Variants in DEPTOR observed in about 807,000 individuals in gnomAD.
DEPTOR encodes DEP domain-containing mTOR-interacting protein.
DEPTOR carries 41 observed loss-of-function variants against 41.6 expected under a neutral mutation model. The ratio of observed to expected loss-of-function variants is 0.98; its 90% confidence interval spans 0.77 to 1.28. DEPTOR has a LOEUF of 1.28. DEPTOR is among the 50% of genes most tolerant of loss of function. The probability of loss-of-function intolerance (pLI) is 0.00; values close to 1 mark genes in which losing one functional copy is unlikely to be tolerated. For synonymous variants in DEPTOR, 195 were observed against 192.3 expected (o/e 1.01, Z -0.12); for missense variants, 514 against 527.9 (o/e 0.97, Z 0.26).
rs1304630388 is a variant in DEPTOR, at chr8:119,927,021, A to G, written c.123-1379A>G. Among the ~76,000 whole-genome samples, 7 of 152,322 alleles carry G rather than the reference A, an allele frequency of 4.6e-5. No individual in the cohort carries two copies. In the East Asian group the frequency reaches 1.3e-3, roughly 29 times the overall value. ...CAGGCTTTTGCTCAAAATATTTTAA[A>G]TCCTAAATACTGACTACTTAGCAGA... On this transcript the variant is annotated intron_variant, in intron 1 of 8. Transcript: ENST00000286234.
intron 1 of DEPTOR, among the ~76,000 whole-genome samples, chr8:119,914,933 T>A (rs908540169): frequency 6.6e-6 from 1 of 152,172 alleles, no homozygotes; most frequent in African/African-American, 2.4e-5. Context: ...TTGGTGTGTA[T>A]TTTTTATATT....
intron 1 of DEPTOR, among the ~76,000 whole-genome samples, chr8:119,880,400 C>G (rs746466128): frequency 6.6e-6 from 1 of 152,074 alleles, no homozygotes; most frequent in East Asian, 1.9e-4. Flanking sequence ...ATCATTTAAA[C>G]CAACAGGCCA....
In DEPTOR at chr8:120,049,777, C is replaced by T. The variant is rs949276336; in HGVS notation, c.*73C>T. ...AGAATGACACAAAGCAATGCAAAGA[C>T]AAGATTGCCATGCAAATGGATGGTT... On this transcript the variant is annotated 3_prime_UTR_variant, in exon 9 of 9. Coordinates refer to ENST00000286234, the MANE Select transcript of DEPTOR (RefSeq NM_022783.4). 4 of 1,572,608 alleles carry T rather than the reference C, an allele frequency of 2.5e-6. No individual in the cohort carries two copies. In the African/African-American group the frequency reaches 4.0e-5, roughly 16 times the overall value.
chr8:119,915,464 CACAA>C (rs1490150159), intron 1 of DEPTOR, among the ~76,000 whole-genome samples: 2 of 152,052 alleles, frequency 1.3e-5, no homozygotes, highest in Non-Finnish European at 1.5e-5. Context: ...GCAGGGCTGT[CACAA>C]ACAGATTCTA....
chr8:120,045,859 G>A (rs11995866), intron 8 of DEPTOR, among the ~76,000 whole-genome samples: 49,969 of 152,122 alleles, frequency 0.33, 9,235 homozygotes, highest in East Asian at 0.55. Context: ...ACCCTGACCA[G>A]TATTAGTGAC....
intron 4 of DEPTOR, among the ~76,000 whole-genome samples, chr8:119,969,515 T>C (rs1173474383): frequency 6.6e-6 from 1 of 151,992 alleles, no homozygotes. Flanking sequence ...CCACCATGCT[T>C]GGCTAATTTT....
chr8:119,993,336 C>G (rs1219893744), intron 4 of DEPTOR, among the ~76,000 whole-genome samples: 1 of 152,166 alleles, frequency 6.6e-6, no homozygotes, highest in Non-Finnish European at 1.5e-5. Context: ...TTATGTGGCT[C>G]TAGCTTTCTG....
At position 119,979,086 on chromosome 8, in the gene DEPTOR, C is replaced by T. The variant is rs113893228; in HGVS notation, c.604+13676C>T. On this transcript the variant is annotated intron_variant, in intron 4 of 8. Transcript: ENST00000286234. The stretch of plus-strand genomic sequence containing the variant: ...CAAACTCATCAGTGTGACCACGGAA[C>T]GGTATGAAGATGAAATTTAAGAAGG... 1.1e-4 allele frequency among the ~76,000 whole-genome samples: 16 copies of T among 152,164 alleles called. 1 individual carries two copies. The highest frequency in any genetic ancestry group is 3.9e-4 in the East Asian group (2 of 5,184).
chr8:119,989,665 A>G (rs1474095234), intron 4 of DEPTOR, among the ~76,000 whole-genome samples: 1 of 152,248 alleles, frequency 6.6e-6, no homozygotes, highest in African/African-American at 2.4e-5. Flanking sequence ...GAAGTAAATG[A>G]TATAAACCTG....
chr8:119,885,031 T>A (rs1204520641), intron 1 of DEPTOR, among the ~76,000 whole-genome samples: 2 of 152,174 alleles, frequency 1.3e-5, no homozygotes, highest in African/African-American at 2.4e-5. Flanking sequence ...CCGTTTTGGA[T>A]TATAGGCGTG....
At chr8:119,910,638 A>G (rs1827724822) in intron 1 of DEPTOR, among the ~76,000 whole-genome samples, 1 of 151,856 alleles carries the variant, frequency 6.6e-6, no homozygotes, top group African/African-American at 2.4e-5. Flanking sequence ...ACAGGGTTTC[A>G]CCATGTTGGC....
chr8:119,908,148 A>G (rs1298669439), intron 1 of DEPTOR, among the ~76,000 whole-genome samples: 3 of 152,182 alleles, frequency 2.0e-5, no homozygotes, highest in Non-Finnish European at 4.4e-5. Context: ...ATGAGATTTG[A>G]TGAGCTTCTG....
chr8:119,963,286 C>T (rs1265993898), intron 3 of DEPTOR, among the ~76,000 whole-genome samples: 1 of 151,878 alleles, frequency 6.6e-6, no homozygotes, highest in African/African-American at 2.4e-5. Context: ...GGTCGAAAAC[C>T]AATAGAGTGT....
chr8:120,028,050 G>A (rs1373310498), intron 8 of DEPTOR, among the ~76,000 whole-genome samples: 1 of 152,168 alleles, frequency 6.6e-6, no homozygotes, highest in East Asian at 1.9e-4. Context: ...TCATGTTGTT[G>A]GATAAAGGGC....
intron 4 of DEPTOR, among the ~76,000 whole-genome samples, chr8:119,997,079 A>T (rs369600724): frequency 2.0e-5 from 3 of 152,158 alleles, no homozygotes; most frequent in African/African-American, 7.2e-5. Flanking sequence ...CCTGAATCCA[A>T]GAATGGTTGG....
chr8:119,930,515 G>C (rs1337154411), intron 3 of DEPTOR, among the ~76,000 whole-genome samples: 1 of 152,190 alleles, frequency 6.6e-6, no homozygotes, highest in African/African-American at 2.4e-5. Flanking sequence ...GTCATTGCAG[G>C]TGTGAGCCAC....
At chr8:119,986,816 A>G (rs570621551) in intron 4 of DEPTOR, among the ~76,000 whole-genome samples, 2 of 151,636 alleles carry the variant, frequency 1.3e-5, no homozygotes, top group South Asian at 4.2e-4. Flanking sequence ...TGCTTGATCG[A>G]TTCAGCTATT....
chr8:119,991,112 CTTTCTTT>C (rs1812166673), intron 4 of DEPTOR, among the ~76,000 whole-genome samples: 3 of 67,590 alleles, frequency 4.4e-5, no homozygotes, highest in African/African-American at 1.7e-4. Flanking sequence ...TTCTTTCTTT[CTTTCTTT>C]TTTTTTTAAA....
At position 119,900,958 on chromosome 8, in the gene DEPTOR, A is replaced by T. The variant is rs113374725; in HGVS notation, c.122+26990A>T. 2.5e-3 allele frequency among the ~76,000 whole-genome samples: 381 copies of T among 152,288 alleles called. 1 individual carries two copies. Among genetic ancestry groups the T allele is most frequent in the African/African-American group, 8.5e-3 (355 of 41,570 alleles). On this transcript the variant is annotated intron_variant, in intron 1 of 8. Coordinates refer to ENST00000286234, the MANE Select transcript of DEPTOR (RefSeq NM_022783.4). ...TAGAATATAAATAAATGTGAAATGCATGTTGATTGATCCCTAGTGGAAAGT... is the reference window on the plus strand; with the variant it reads ...TAGAATATAAATAAATGTGAAATGCTTGTTGATTGATCCCTAGTGGAAAGT...
Sources: gnomAD v4.1 joint callset for allele counts (sites outside exome capture counted in the v4.1 genomes callset) on GRCh38, gnomAD v4.1.1 for gene constraint, MANE v1.5 for transcripts, NCBI Gene and HGNC (gene_info 2026-07-23, HGNC 2026-07-21) for gene names.